COBL: variants seen among roughly 807,000 people sequenced by gnomAD.
The protein encoded by COBL is protein cordon-bleu.
A neutral mutation model predicts 98.8 loss-of-function variants in COBL; 51 were observed. The observed-to-expected ratio is 0.52, with a 90% CI of 0.41 to 0.65. The LOEUF (loss-of-function observed/expected upper bound fraction) is 0.65. COBL is among the 30% of genes least tolerant of loss of function. The pLI is 0.00. For synonymous variants in COBL, 634 were observed against 651.7 expected (o/e 0.97, Z 0.41); for missense variants, 1,617 against 1,617.5 (o/e 1.00, Z 0.01).
chr7:51,100,913 CA>C (rs58830988), intron 6 of COBL, among the ~76,000 whole-genome samples: 86,076 of 148,976 alleles, frequency 0.58, 24,628 homozygotes, highest in Middle Eastern at 0.72. Context: ...CAATAAGAAA[CA>C]AAAAAAAAAC....
chr7:51,161,686 G>T (rs1245273763), intron 5 of COBL, among the ~76,000 whole-genome samples: 1 of 152,078 alleles, frequency 6.6e-6, no homozygotes, highest in African/African-American at 2.4e-5. Context: ...TTAACTTTAT[G>T]GTATCAAGAA....
At chr7:51,291,739 C>G (rs1396644312) in intron 1 of COBL, among the ~76,000 whole-genome samples, 1 of 151,716 alleles carries the variant, frequency 6.6e-6, no homozygotes, top group African/African-American at 2.4e-5. Flanking sequence ...CCAGCCAGGG[C>G]AACAAATCGA....
intron 7 of COBL, among the ~76,000 whole-genome samples, chr7:51,049,627 T>G (rs1389387619): frequency 1.3e-5 from 2 of 152,150 alleles, no homozygotes; most frequent in African/African-American, 4.8e-5. Flanking sequence ...TCATTCTAAT[T>G]AGAGGACACA....
At position 51,028,286 on chromosome 7, in the gene COBL, G is replaced by T. The variant is rs760520413; in HGVS notation, c.2810C>A (p.Pro937His). Residue 937 changes from proline (P) to histidine (H), a missense_variant, in exon 10 of 13, where the codon CCC becomes CAC. Around this residue, in one of 3 missense-constraint regions of COBL, gnomAD observed 1,304 missense variants for 1,282.0 expected, o/e 1.02. Coordinates refer to ENST00000265136, the MANE Select transcript of COBL (RefSeq NM_015198.5). Reference sequence around the variant, plus strand: ...TGCCAAATCTTCCCCGTGGTTGTTGGGAGGAGTGACACAGGGCCACTGGGC... The same window carrying T: ...TGCCAAATCTTCCCCGTGGTTGTTGTGAGGAGTGACACAGGGCCACTGGGC... The part of the protein sequence containing the change: ...DGAQWPCVTP[P>H]NNHGEDLAVG... 5.6e-6 allele frequency: 9 copies of T among 1,614,202 alleles called. No individual in the cohort carries two copies. The East Asian group carries it at 2.0e-4, about 36-fold the overall frequency.
At chr7:51,136,598 C>T (rs945440479) in intron 5 of COBL, among the ~76,000 whole-genome samples, 2 of 152,166 alleles carry the variant, frequency 1.3e-5, no homozygotes, top group Admixed American at 6.5e-5. Context: ...TAAGAGAACA[C>T]TTAGCAGCTA....
At chr7:51,256,020 C>T (rs1797166910) in intron 1 of COBL, among the ~76,000 whole-genome samples, 2 of 152,222 alleles carry the variant, frequency 1.3e-5, no homozygotes, top group African/African-American at 4.8e-5. Flanking sequence ...ATTTTTACTC[C>T]TTGTTCTAAC....
chr7:51,208,655 T>C (rs1792071061), intron 2 of COBL, among the ~76,000 whole-genome samples: 1 of 152,204 alleles, frequency 6.6e-6, no homozygotes, highest in African/African-American at 2.4e-5. Flanking sequence ...AGAAATCGGA[T>C]GGTTGCCGTG....
intron 2 of COBL, among the ~76,000 whole-genome samples, chr7:51,203,046 A>G (rs1050949021): frequency 6.6e-6 from 1 of 151,336 alleles, no homozygotes; most frequent in African/African-American, 2.4e-5. Context: ...GTCTGGAAAA[A>G]TAAGAATAAT....
At chr7:51,040,935 C>G (rs80122208) in intron 8 of COBL, among the ~76,000 whole-genome samples, 1 of 152,196 alleles carries the variant, frequency 6.6e-6, no homozygotes, top group African/African-American at 2.4e-5. Flanking sequence ...CAGCATCCCG[C>G]GGGGTGCAGA....
rs148639800 is a variant in COBL at position 51,307,001 on chromosome 7, G to A, written c.41+9592C>T. On this transcript the variant is annotated intron_variant, in intron 1 of 12. Coordinates refer to ENST00000265136, the MANE Select transcript of COBL (RefSeq NM_015198.5). The stretch of plus-strand genomic sequence containing the variant: ...TAGCAGAGTGGCCAACGATGAGGAC[G>A]TGGACACTGACGAGAGACGTCAGAG... 5.8e-3 allele frequency among the ~76,000 whole-genome samples: 877 copies of A among 152,312 alleles called. 6 individuals carry two copies. Among genetic ancestry groups the A allele is most frequent in the Non-Finnish European group, 7.6e-3 (516 of 68,036 alleles).
At chr7:51,094,775 G>C (rs551217620) in intron 6 of COBL, among the ~76,000 whole-genome samples, 2 of 152,198 alleles carry the variant, frequency 1.3e-5, no homozygotes, top group South Asian at 4.1e-4. Flanking sequence ...AATTCTGGTA[G>C]AGAATTTAAA....
chr7:51,303,174 T>TTTATGCTTTTACAA (rs1221827916), intron 1 of COBL, among the ~76,000 whole-genome samples: 2 of 152,218 alleles, frequency 1.3e-5, no homozygotes, highest in Non-Finnish European at 2.9e-5. Context: ...TACATTCGGA[T>TTTATGCTTTTACAA]GCAGAGATAG....
chr7:51,279,256 T>C (rs1003891045), intron 1 of COBL, among the ~76,000 whole-genome samples: 9 of 152,228 alleles, frequency 5.9e-5, no homozygotes, highest in Non-Finnish European at 1.0e-4. Context: ...CAAAAATGTA[T>C]GGAAGAAGCT....
At position 51,208,387 on chromosome 7, in the gene COBL, G is replaced by A. The variant is rs921321199; in HGVS notation, c.245+11354C>T. ...CAGCCGCCCCGTCTGGGAGGGAGGT[G>A]GGGGGGGTCAGCCCCCCGCCCGGCC... On this transcript the variant is annotated intron_variant, in intron 2 of 12. Coordinates refer to ENST00000265136, the MANE Select transcript of COBL (RefSeq NM_015198.5). 9.0e-4 allele frequency among the ~76,000 whole-genome samples: 112 copies of A among 124,996 alleles called. 1 individual carries two copies. Among genetic ancestry groups the A allele is most frequent in the Non-Finnish European group, 1.6e-3 (92 of 56,524 alleles). The allele number at this position is 124,996 out of a possible 152,430, so 82.0% of individuals were successfully genotyped here. A position where few individuals can be genotyped will look rare whatever the true frequency, so the allele number is the denominator to read the frequency against.
intron 1 of COBL, among the ~76,000 whole-genome samples, chr7:51,229,730 T>C (rs1794557245): frequency 6.6e-6 from 1 of 152,212 alleles, no homozygotes; most frequent in African/African-American, 2.4e-5. Context: ...AGAAGCTCAC[T>C]GCTTTCTTGC....
chr7:51,122,786 C>CA (rs1242053319), intron 6 of COBL, among the ~76,000 whole-genome samples: 5 of 152,102 alleles, frequency 3.3e-5, no homozygotes, highest in Non-Finnish European at 4.4e-5. Flanking sequence ...CGAGACCAGC[C>CA]TGTGCAACAT....
intron 1 of COBL, among the ~76,000 whole-genome samples, chr7:51,251,054 T>C (rs1796690537): frequency 6.6e-6 from 1 of 152,242 alleles, no homozygotes; most frequent in Admixed American, 6.5e-5. Flanking sequence ...CTATTAAATC[T>C]ACTTAATGAT....
At chr7:51,204,322 C>T (rs564863453) in intron 2 of COBL, among the ~76,000 whole-genome samples, 12 of 151,996 alleles carry the variant, frequency 7.9e-5, no homozygotes, top group South Asian at 4.2e-4. Context: ...CAAGGATGTC[C>T]GCTCTCACAA....
intron 8 of COBL, chr7:51,031,304 T>C (rs998267180): frequency 5.4e-6 from 1 of 184,276 alleles, no homozygotes; most frequent in African/African-American, 2.4e-5. Flanking sequence ...GATCCAGGAT[T>C]TGCTTGCATC....
Sources: allele counts gnomAD v4.1 joint callset (sites outside exome capture counted in the v4.1 genomes callset), GRCh38; gene constraint gnomAD v4.1.1; regional missense constraint gnomAD v4.1.1; transcripts MANE v1.5; gene names NCBI Gene and HGNC (gene_info 2026-07-23, HGNC 2026-07-21).